Variants in RAP1GAP2 observed in about 807,000 individuals in gnomAD.
RAP1GAP2 encodes RAP1 GTPase activating protein 2.
A neutral mutation model predicts 95.0 loss-of-function variants in RAP1GAP2; 27 were observed. The ratio of observed to expected loss-of-function variants is 0.28; its 90% CI spans 0.21 to 0.39. The LOEUF (loss-of-function observed/expected upper bound fraction) is 0.39. Ranked by LOEUF, RAP1GAP2 falls within the 10% of genes least tolerant of loss-of-function variation. RAP1GAP2 has a pLI of 1.00. For synonymous variants in RAP1GAP2, 373 were observed against 380.9 expected (o/e 0.98, Z 0.24); for missense variants, 771 against 970.0 (o/e 0.79, Z 2.72).
intron 2 of RAP1GAP2, among the ~76,000 whole-genome samples, chr17:2,828,069 G>A (rs576639611): frequency 1.3e-5 from 2 of 152,262 alleles, no homozygotes; most frequent in South Asian, 4.1e-4. Flanking sequence ...GGCCGGGTGC[G>A]GTGGCTCACG....
At chr17:2,907,549 C>T (rs919697146) in intron 3 of RAP1GAP2, among the ~76,000 whole-genome samples, 2 of 150,970 alleles carry the variant, frequency 1.3e-5, no homozygotes, top group Admixed American at 1.3e-4. Flanking sequence ...TCAGGGGGAA[C>T]GTAAGGTTAG....
chr17:2,955,874 C>G (rs1257694611), intron 3 of RAP1GAP2, among the ~76,000 whole-genome samples: 1 of 152,158 alleles, frequency 6.6e-6, no homozygotes, highest in Non-Finnish European at 1.5e-5. Context: ...AACCAATTTT[C>G]TGCAGACTTT....
chr17:2,813,157 C>T (rs1238197602), intron 2 of RAP1GAP2, among the ~76,000 whole-genome samples: 9 of 151,540 alleles, frequency 5.9e-5, no homozygotes, highest in South Asian at 2.1e-4. Context: ...CTGCAACCTC[C>T]GCCTCCCAGG....
chr17:2,945,475 A>C (rs2043667956), intron 3 of RAP1GAP2, among the ~76,000 whole-genome samples: 1 of 151,834 alleles, frequency 6.6e-6, no homozygotes, highest in Non-Finnish European at 1.5e-5. Context: ...GATACCTTTT[A>C]TTTCTTTGTT....
chr17:2,927,326 T>C (rs1270427535), intron 3 of RAP1GAP2, among the ~76,000 whole-genome samples: 1 of 152,052 alleles, frequency 6.6e-6, no homozygotes, highest in Non-Finnish European at 1.5e-5. Flanking sequence ...GCTAATTTTT[T>C]GTATTTTTAG....
intron 2 of RAP1GAP2, 112 bp from the exon 3 acceptor site, chr17:2,905,172 C>A (rs370417346): frequency 2.0e-6 from 2 of 991,920 alleles, no homozygotes; most frequent in Non-Finnish European, 3.0e-6. Context: ...CGTGAGCCAC[C>A]CAACCCAGCC....
upstream of RAP1GAP2, among the ~76,000 whole-genome samples, chr17:2,792,987 G>A (rs1247569366): frequency 6.6e-6 from 1 of 152,146 alleles, no homozygotes; most frequent in African/African-American, 2.4e-5. Context: ...CATGCGGCGG[G>A]CAGCTTTCAC....
intron 1 of RAP1GAP2, among the ~76,000 whole-genome samples, chr17:2,781,143 C>G (rs776480120): frequency 2.0e-5 from 3 of 152,218 alleles, no homozygotes; most frequent in Non-Finnish European, 4.4e-5. Flanking sequence ...AGCTTGCTCT[C>G]AGGGCCAGCT....
chr17:2,989,665 A>AT (rs56135563), intron 11 of RAP1GAP2, among the ~76,000 whole-genome samples: 60,406 of 149,614 alleles, frequency 0.4, 12,482 homozygotes, highest in African/African-American at 0.52. Flanking sequence ...TTCTAAATGG[A>AT]TTTTTTTTTT....
chr17:2,861,856 ATG>A (rs1294593907), intron 2 of RAP1GAP2, among the ~76,000 whole-genome samples: 2 of 152,034 alleles, frequency 1.3e-5, no homozygotes, highest in Non-Finnish European at 2.9e-5. Context: ...GGGTTTCACC[ATG>A]TTGGCCAGGC....
intron 2 of RAP1GAP2, among the ~76,000 whole-genome samples, chr17:2,823,315 C>G (rs372619178): frequency 7.2e-5 from 11 of 152,256 alleles, no homozygotes; most frequent in Admixed American, 5.2e-4. Flanking sequence ...GGCCTAAGGG[C>G]CTCAGAATGA....
chr17:2,863,701 C>T (rs887439040), intron 2 of RAP1GAP2, among the ~76,000 whole-genome samples: 1 of 152,108 alleles, frequency 6.6e-6, no homozygotes, highest in Non-Finnish European at 1.5e-5. Context: ...GTAAGAACCC[C>T]ATAAGGGAGG....
intron 1 of RAP1GAP2, among the ~76,000 whole-genome samples, chr17:2,768,440 C>T (rs1228468379): frequency 6.6e-6 from 1 of 152,146 alleles, no homozygotes; most frequent in Non-Finnish European, 1.5e-5. Flanking sequence ...GCCTGCAATC[C>T]CAGAACTTTG....
intron 3 of RAP1GAP2, among the ~76,000 whole-genome samples, chr17:2,937,641 G>T (rs2043345076): frequency 6.6e-6 from 1 of 152,198 alleles, no homozygotes; most frequent in Admixed American, 6.5e-5. Context: ...GGACAGCGAG[G>T]CTCATGAACT....
chr17:2,832,427 G>A (rs547974677), intron 2 of RAP1GAP2, among the ~76,000 whole-genome samples: 150 of 150,462 alleles, frequency 1.0e-3, no homozygotes, highest in African/African-American at 3.1e-3. Flanking sequence ...GTGTTGTGGC[G>A]GGCACCTGTA....
chr17:2,993,444 G>A (rs1597819310), intron 12 of RAP1GAP2, among the ~76,000 whole-genome samples: 1 of 151,744 alleles, frequency 6.6e-6, no homozygotes, highest in East Asian at 1.9e-4. Flanking sequence ...GTGGTGGCAC[G>A]TGCCTGTAGT....
Position 2,925,606 on chromosome 17 carries a change from C to T in RAP1GAP2, c.165+20238C>T, listed in dbSNP as rs545946931. On this transcript the variant is annotated intron_variant, in intron 3 of 24. Coordinates refer to ENST00000254695, the MANE Select transcript of RAP1GAP2 (RefSeq NM_015085.5). ...AGAGCCACACCTTTGCCAGGGTAAGCTGAAAAGGCCAGGAATTCCTTGGAT... is the reference window on the plus strand; with the variant it reads ...AGAGCCACACCTTTGCCAGGGTAAGTTGAAAAGGCCAGGAATTCCTTGGAT... 2.6e-5 allele frequency among the ~76,000 whole-genome samples: 4 copies of T among 152,314 alleles called. No homozygotes were observed. The South Asian group carries it at 8.3e-4, about 32-fold the overall frequency.
rs2044687950 is a variant in RAP1GAP2, at chr17:2,967,912, C to T, written c.596+2269C>T. On this transcript the variant is annotated intron_variant, in intron 8 of 24. Coordinates refer to ENST00000254695, the MANE Select transcript of RAP1GAP2 (RefSeq NM_015085.5). ...AAGTATTCTAACAGCCTGTGTGTGC[C>T]ATGAGAGTAGCCAAGAAGAATCTAC... Among the ~76,000 whole-genome samples the T allele has an allele frequency of 2.0e-5, 3 of 152,222 alleles. No homozygotes were observed. In the South Asian group the frequency reaches 6.2e-4, roughly 32 times the overall value.
chr17:2,970,302 A>G (rs1186121255), intron 8 of RAP1GAP2, among the ~76,000 whole-genome samples: 2 of 150,732 alleles, frequency 1.3e-5, no homozygotes, highest in African/African-American at 4.9e-5. Flanking sequence ...AAAAATAATA[A>G]TAATACGTCC....
Sources: gnomAD v4.1 joint callset for allele counts (sites outside exome capture counted in the v4.1 genomes callset) on GRCh38, gnomAD v4.1.1 for gene constraint, MANE v1.5 for transcripts, NCBI Gene and HGNC (gene_info 2026-07-23, HGNC 2026-07-21) for gene names.